The following PLPPR1 variants were observed in gnomAD, a reference collection of about 807,000 sequenced individuals.
PLPPR1 encodes the protein phospholipid phosphatase-related protein type 1.
In PLPPR1, 10 loss-of-function variants were observed where a neutral mutation model predicts 33.1. The observed-to-expected ratio is 0.30, with a 90% CI of 0.19 to 0.51. The LOEUF is 0.51. Among genes scored for constraint, PLPPR1 ranks in the 20% least tolerant of loss-of-function variants. PLPPR1 has a pLI of 0.97. For synonymous variants in PLPPR1, 151 were observed against 151.0 expected, an observed-to-expected ratio of 1.00 and a Z score of 0.00; for missense variants, 304 against 408.1, an observed-to-expected ratio of 0.74 and a Z score of 2.20.
chr9:101,303,933 A>G (rs889711698), intron 4 of PLPPR1, among the ~76,000 whole-genome samples: 5 of 152,210 alleles, frequency 3.3e-5, no homozygotes, highest in Non-Finnish European at 5.9e-5. Flanking sequence ...CTACCCATCA[A>G]TACTTCCCAA....
intron 1 of PLPPR1, among the ~76,000 whole-genome samples, chr9:101,152,871 TG>T (rs1276818431): frequency 1.3e-5 from 2 of 152,230 alleles, no homozygotes; most frequent in African/African-American, 4.8e-5. Context: ...AGGATTGACT[TG>T]GCAATGCGGG....
chr9:101,144,183 G>T (rs535228607), intron 1 of PLPPR1, among the ~76,000 whole-genome samples: 1 of 152,030 alleles, frequency 6.6e-6, no homozygotes, highest in Admixed American at 6.6e-5. Flanking sequence ...ACCAAACACC[G>T]CATGTTCTCA....
intron 4 of PLPPR1, among the ~76,000 whole-genome samples, chr9:101,299,712 G>A (rs1828713936): frequency 6.6e-6 from 1 of 152,188 alleles, no homozygotes; most frequent in Non-Finnish European, 1.5e-5. Context: ...CACTTTGCAG[G>A]TTAGACAATG....
At chr9:101,126,974 A>G (rs1831252998) in intron 1 of PLPPR1, among the ~76,000 whole-genome samples, 1 of 152,114 alleles carries the variant, frequency 6.6e-6, no homozygotes. Flanking sequence ...CCATTTATCC[A>G]ACTCCATAGT....
intron 1 of PLPPR1, among the ~76,000 whole-genome samples, chr9:101,171,079 T>C (rs1168500398): frequency 1.3e-5 from 2 of 152,142 alleles, no homozygotes; most frequent in Non-Finnish European, 2.9e-5. Flanking sequence ...TCTTGCAGAC[T>C]TTCCATTCAG....
chr9:101,111,524 T>C (rs1322071103), intron 1 of PLPPR1, among the ~76,000 whole-genome samples: 1 of 152,224 alleles, frequency 6.6e-6, no homozygotes, highest in Non-Finnish European at 1.5e-5. Context: ...AGTATTTTCC[T>C]GTTATACCTA....
At chr9:101,095,315 TG>T (rs1813759692) in intron 1 of PLPPR1, among the ~76,000 whole-genome samples, 1 of 152,168 alleles carries the variant, frequency 6.6e-6, no homozygotes, top group Non-Finnish European at 1.5e-5. Context: ...CTGACAGCTG[TG>T]GGTAGAATTA....
intron 2 of PLPPR1, among the ~76,000 whole-genome samples, chr9:101,236,333 A>G (rs1285095029): frequency 6.6e-6 from 1 of 151,784 alleles, no homozygotes; most frequent in African/African-American, 2.4e-5. Flanking sequence ...GCTGTAACAA[A>G]TCTAATTTCT....
chr9:101,298,091 T>C (rs10989468), intron 4 of PLPPR1, among the ~76,000 whole-genome samples: 3 of 152,326 alleles, frequency 2.0e-5, no homozygotes, highest in East Asian at 3.9e-4. Flanking sequence ...TTGTTTACCA[T>C]ATAGAAGGAA....
intron 2 of PLPPR1, among the ~76,000 whole-genome samples, chr9:101,239,200 C>A (rs182788888): frequency 2.0e-5 from 3 of 151,712 alleles, no homozygotes; most frequent in Admixed American, 2.0e-4. Flanking sequence ...GCAGGTATCA[C>A]TTCCATATAC....
At chr9:101,259,880 A>G (rs755947064) in intron 2 of PLPPR1, among the ~76,000 whole-genome samples, 4 of 152,096 alleles carry the variant, frequency 2.6e-5, no homozygotes, top group African/African-American at 7.2e-5. Flanking sequence ...ATATGCATTT[A>G]TCTCAGTCAG....
At chr9:101,199,985 T>G (rs1826464729) in intron 2 of PLPPR1, among the ~76,000 whole-genome samples, 1 of 152,000 alleles carries the variant, frequency 6.6e-6, no homozygotes, top group Non-Finnish European at 1.5e-5. Context: ...ACCAGTAGAG[T>G]GTGGGAGATG....
chr9:101,228,761 C>T (rs7853007), intron 2 of PLPPR1, among the ~76,000 whole-genome samples: 76,221 of 151,860 alleles, frequency 0.5, 21,287 homozygotes, highest in African/African-American at 0.76. Flanking sequence ...TAATCTAAAA[C>T]AGTTAAATAG....
rs151299470 is a variant in PLPPR1, at chr9:101,324,418, A to T, written c.*361A>T. The T allele has an allele frequency of 8.1e-4, 142 of 174,656 alleles. No individual in the cohort carries two copies. Among genetic ancestry groups the T allele is most frequent in the African/African-American group, 3.2e-3 (135 of 42,498 alleles). 10.8% of individuals were successfully genotyped at this position (174,656 alleles called of 1,614,324 possible). A position where few individuals can be genotyped will look rare whatever the true frequency, so the allele number is the denominator to read the frequency against. The stretch of plus-strand genomic sequence containing the variant: ...ATATAACAATTCACTTTAAACTTTT[A>T]TTACCACAGTTGCTGCCTCCTCCAG... On this transcript the variant is annotated 3_prime_UTR_variant, in exon 8 of 8. Coordinates refer to ENST00000374874, the MANE Select transcript of PLPPR1 (RefSeq NM_207299.2).
At chr9:101,318,421 G>T (rs1829094535) in intron 7 of PLPPR1, among the ~76,000 whole-genome samples, 1 of 152,032 alleles carries the variant, frequency 6.6e-6, no homozygotes, top group Admixed American at 6.6e-5. Flanking sequence ...ATCATTACTT[G>T]AACAACCACC....
intron 4 of PLPPR1, among the ~76,000 whole-genome samples, chr9:101,293,254 T>C (rs955743031): frequency 6.6e-5 from 10 of 151,444 alleles, no homozygotes; most frequent in African/African-American, 2.4e-4. Context: ...AAGAGCTAAC[T>C]ATCCTAAATA....
At chr9:101,298,543 T>A (rs1016589692) in intron 4 of PLPPR1, among the ~76,000 whole-genome samples, 35 of 152,226 alleles carry the variant, frequency 2.3e-4, no homozygotes, top group Non-Finnish European at 4.6e-4. Flanking sequence ...GAAAGTCATT[T>A]AAATGTACTT....
At chr9:101,050,150 A>G (rs889719831) in intron 1 of PLPPR1, among the ~76,000 whole-genome samples, 4 of 146,542 alleles carry the variant, frequency 2.7e-5, no homozygotes, top group African/African-American at 5.0e-5. Flanking sequence ...AAAAAAAAAG[A>G]GTATAAGCAA....
intron 3 of PLPPR1, among the ~76,000 whole-genome samples, chr9:101,278,315 G>A (rs1427216298): frequency 1.3e-5 from 2 of 152,128 alleles, no homozygotes; most frequent in Non-Finnish European, 2.9e-5. Context: ...TATTTGTGAA[G>A]AAGAGGGATG....
Sources: allele counts gnomAD v4.1 joint callset (sites outside exome capture counted in the v4.1 genomes callset), GRCh38; gene constraint gnomAD v4.1.1; transcripts MANE v1.5; gene names NCBI Gene and HGNC (gene_info 2026-07-23, HGNC 2026-07-21).